The following HPSE variants were observed in gnomAD, a reference collection of about 807,000 sequenced individuals.
HPSE encodes endo-glucoronidase.
HPSE carries 48 observed loss-of-function variants against 65.1 expected under a neutral mutation model. That is an observed-to-expected ratio of 0.74 (90% CI 0.58 to 0.94). The LOEUF is 0.94. Among genes scored for constraint, HPSE ranks in the 40% least tolerant of loss-of-function variants. The pLI is 0.00. For synonymous variants in HPSE, 243 were observed against 260.0 expected, an observed-to-expected ratio of 0.93 and a Z score of 0.63; for missense variants, 644 against 637.5, an observed-to-expected ratio of 1.01 and a Z score of -0.11.
At chr4:83,307,714 C>T (rs901411708) in intron 8 of HPSE, among the ~76,000 whole-genome samples, 2 of 152,096 alleles carry the variant, frequency 1.3e-5, no homozygotes, top group Non-Finnish European at 2.9e-5. Flanking sequence ...TAGTTAATGG[C>T]AAAACAAACA....
chr4:83,314,293 TAAAGA>T (rs1736544327), intron 3 of HPSE, among the ~76,000 whole-genome samples: 1 of 143,550 alleles, frequency 7.0e-6, no homozygotes, highest in Non-Finnish European at 1.5e-5. Context: ...AAAAAAAAAG[TAAAGA>T]AAAGAAAAAT....
intron 4 of HPSE, 114 bp from the exon 5 acceptor site, chr4:83,311,004 C>T (rs1736347182): frequency 3.4e-6 from 3 of 883,382 alleles, no homozygotes; most frequent in Non-Finnish European, 5.1e-6. Context: ...ACTTGTAATT[C>T]AAAGTCAAGA....
intron 9 of HPSE, among the ~76,000 whole-genome samples, chr4:83,303,646 C>T (rs1024844253): frequency 6.6e-6 from 1 of 152,184 alleles, no homozygotes; most frequent in Non-Finnish European, 1.5e-5. Flanking sequence ...ACCTCCTGGG[C>T]TAAAGCGATC....
intron 9 of HPSE, among the ~76,000 whole-genome samples, chr4:83,304,124 T>C (rs187375084): frequency 6.6e-6 from 1 of 152,262 alleles, no homozygotes; most frequent in East Asian, 1.9e-4. Flanking sequence ...CTCCAGCTTA[T>C]AGAGCAAATT....
intron 8 of HPSE, among the ~76,000 whole-genome samples, chr4:83,306,542 A>C (rs1379940825): frequency 1.3e-5 from 2 of 152,148 alleles, no homozygotes; most frequent in Non-Finnish European, 2.9e-5. Context: ...CAGCCTCCCA[A>C]GTAGCTGGGA....
chr4:83,318,636 G>A (rs756289464), intron 3 of HPSE, among the ~76,000 whole-genome samples: 2 of 151,442 alleles, frequency 1.3e-5, no homozygotes, highest in Non-Finnish European at 2.9e-5. Context: ...CTTGAACCTG[G>A]GAGGCGGAGG....
intron 9 of HPSE, among the ~76,000 whole-genome samples, chr4:83,303,939 A>T (rs1578007084): frequency 6.6e-6 from 1 of 152,324 alleles, no homozygotes; most frequent in East Asian, 1.9e-4. Flanking sequence ...AGATCAAAGT[A>T]TGCAGGAGGA....
At chr4:83,334,857 C>T, upstream of HPSE, 2 of 1,438,124 alleles carry the variant, frequency 1.4e-6, no homozygotes, top group Non-Finnish European at 1.8e-6. Context: ...CTTCCTCCCG[C>T]CGAGCCCCAG....
In HPSE at chr4:83,309,395, C is replaced by T. The variant is rs769619708; in HGVS notation, c.984+7G>A. Reference sequence around the variant, plus strand: ...TTTTACATTAAAAAGTTTAAAAAGACTATTACCTGGAAAACTTTTTGCACA... The same window carrying T: ...TTTTACATTAAAAAGTTTAAAAAGATTATTACCTGGAAAACTTTTTGCACA... On this transcript the variant is annotated splice_region_variant and intron_variant, in intron 7 of 11. Transcript: ENST00000311412. 2.1e-6 allele frequency: 3 copies of T among 1,453,074 alleles called. No individual in the cohort carries two copies. The African/African-American group carries it at 4.3e-5, about 21-fold the overall frequency. The allele number at this position is 1,453,074 out of a possible 1,614,324, so 90.0% of individuals were successfully genotyped here. A position where few individuals can be genotyped will look rare whatever the true frequency, so the allele number is the denominator to read the frequency against.
intron 1 of HPSE, among the ~76,000 whole-genome samples, 178 bp downstream of exon 1, chr4:83,334,378 G>A (rs750769953): frequency 6.6e-6 from 1 of 152,128 alleles, no homozygotes; most frequent in Non-Finnish European, 1.5e-5. Flanking sequence ...AGCAGTTTGG[G>A]GTCTGAGAGT....
chr4:83,312,841 C>CAAAAAAAAAAAAAA (rs1200808673), intron 4 of HPSE, among the ~76,000 whole-genome samples: 1 of 10,990 alleles, frequency 9.1e-5, no homozygotes, highest in Non-Finnish European at 1.4e-4. Context: ...ACTAAAAATG[C>CAAAAAAAAAAAAAA]AAAAAAAAAA....
chr4:83,314,277 C>CAAAA (rs34348231), intron 3 of HPSE, among the ~76,000 whole-genome samples: 114,946 of 144,662 alleles, frequency 0.79, 45,801 homozygotes, highest in East Asian at 0.87. Context: ...AACAAAAAAA[C>CAAAA]AAACAAAAAA....
chr4:83,295,418 T>A lies in HPSE; in HGVS notation c.1558A>T (p.Ser520Cys), dbSNP rs1430855202. 8.7e-6 allele frequency: 14 copies of A among 1,613,664 alleles called. No homozygotes were observed. Among genetic ancestry groups the A allele is most frequent in the Non-Finnish European group, 1.1e-5 (13 of 1,179,678 alleles). The change falls in exon 12 of 12, where the codon AGT becomes TGT. Residue 520 changes from serine (S) to cysteine (C), a missense_variant. Coordinates refer to ENST00000311412, the MANE Select transcript of HPSE (RefSeq NM_001098540.3). ...GAGAAAGCTGGCAAGCCCAGTGAAC[T>A]TCCTGGCCGGAGAGGTTTTTCCATT... is the stretch of plus-strand genomic sequence containing the variant. ...PLMEKPLRPG[S>C]SLGLPAFSYS...
chr4:83,308,764 G>T, intron 8 of HPSE, 81 bp downstream of exon 8: 2 of 1,059,040 alleles, frequency 1.9e-6, no homozygotes, highest in Non-Finnish European at 2.9e-6. Context: ...TCTGCTTTTT[G>T]GCTGGGGAGC....
intron 9 of HPSE, among the ~76,000 whole-genome samples, chr4:83,302,904 G>A (rs1289846337): frequency 6.6e-6 from 1 of 152,168 alleles, no homozygotes; most frequent in Middle Eastern, 3.2e-3. Context: ...GATCCCAGGA[G>A]GTCAAGGCTG....
At chr4:83,319,298 A>G (rs1736779413) in intron 3 of HPSE, 46 bp downstream of exon 3, 3 of 1,602,690 alleles carry the variant, frequency 1.9e-6, no homozygotes, top group Non-Finnish European at 2.6e-6. Context: ...ACCTATTCAA[A>G]TATCTTTGGG....
At chr4:83,314,879 A>G (rs11099593) in intron 3 of HPSE, among the ~76,000 whole-genome samples, 121,273 of 152,166 alleles carry the variant, frequency 0.8, 48,489 homozygotes, top group East Asian at 0.87. Context: ...ATTTAAGCTG[A>G]GTGCAGTGGC....
chr4:83,312,824 C>T (rs1253054851), intron 4 of HPSE, among the ~76,000 whole-genome samples: 23 of 118,644 alleles, frequency 1.9e-4, no homozygotes, highest in Admixed American at 1.7e-3. Flanking sequence ...GGTGAAACCC[C>T]GTCTCTACTA....
In HPSE at chr4:83,293,549, C is replaced by T. The variant is rs1264478136; in HGVS notation, c.*1795G>A. The T allele has an allele frequency of 3.9e-5, 6 of 152,130 alleles. No homozygotes were observed. The highest frequency in any genetic ancestry group is 5.9e-5 in the Non-Finnish European group (4 of 68,030). The allele number at this position is 152,130 out of a possible 1,614,324, so 9.4% of individuals were successfully genotyped here. A position where few individuals can be genotyped will look rare whatever the true frequency, so the allele number is the denominator to read the frequency against. On this transcript the variant is annotated 3_prime_UTR_variant, in exon 12 of 12. Coordinates refer to ENST00000311412, the MANE Select transcript of HPSE (RefSeq NM_001098540.3). ...AATATACATTTCCTTATTGCTTAAG[C>T]CATTTGAATTAGGAGTTTCTGTTAC... is the stretch of plus-strand genomic sequence containing the variant.
Sources: allele counts gnomAD v4.1 joint callset (sites outside exome capture counted in the v4.1 genomes callset), GRCh38; gene constraint gnomAD v4.1.1; transcripts MANE v1.5; gene names NCBI Gene and HGNC (gene_info 2026-07-23, HGNC 2026-07-21).